SIL1: variants seen among roughly 807,000 people sequenced by gnomAD.
The protein encoded by SIL1 is SIL1 nucleotide exchange factor, also known as nucleotide exchange factor SIL1.
In SIL1, 40 loss-of-function variants were observed where a neutral mutation model predicts 49.1. The observed-to-expected ratio is 0.81, with a 90% CI of 0.63 to 1.06. The LOEUF (loss-of-function observed/expected upper bound fraction) is 1.06. Ranked by LOEUF, SIL1 falls within the 50% of genes least tolerant of loss-of-function variation. SIL1 has a pLI of 0.00. For missense variants in SIL1, 500 were observed against 572.6 expected (o/e 0.87, Z 1.29); for synonymous variants, 253 against 250.8 (o/e 1.01, Z -0.08).
At chr5:138,956,768 C>T (rs1270943652) in intron 7 of SIL1, among the ~76,000 whole-genome samples, 1 of 151,242 alleles carries the variant, frequency 6.6e-6, no homozygotes, top group African/African-American at 2.4e-5. Flanking sequence ...ATACAATTAC[C>T]GAATTGAATA....
In SIL1 at chr5:139,121,134, T is replaced by C; in HGVS notation, c.145A>G (p.Lys49Glu). ...TTGGTTTCTTTTCTCTCTGTTTCTT[T>C]GGTGCTGCTCTTCTCTGGGTTGGTC... ...ALTNPEKSST[K>E]ETERKETKAE... is the part of the protein sequence containing the mutation. The change falls in exon 3 of 10, where the codon AAA becomes GAA. Residue 49 changes from lysine to glutamate, a missense_variant. Lys to Glu is a moderately conservative substitution (Grantham distance 56, BLOSUM62 1). Coordinates refer to ENST00000394817, the MANE Select transcript of SIL1 (RefSeq NM_022464.5). 1 of 1,614,230 alleles carries C rather than the reference T, an allele frequency of 6.2e-7. No individual in the cohort carries two copies. The highest frequency in any genetic ancestry group is 8.5e-7 in the Non-Finnish European group (1 of 1,180,030).
intron 1 of SIL1, among the ~76,000 whole-genome samples, chr5:139,170,399 C>T (rs537078453): frequency 3.1e-4 from 46 of 150,586 alleles, no homozygotes; most frequent in African/African-American, 8.5e-4. Context: ...TCTGCCCGGC[C>T]GCCATCCCAT....
intron 1 of SIL1, 61 bp from the exon 2 acceptor site, chr5:139,127,914 A>G (rs1157331275): frequency 1.9e-6 from 2 of 1,046,658 alleles, no homozygotes; most frequent in Admixed American, 4.0e-5. Context: ...GTTCCCCCGC[A>G]CTGTGATTCC....
intron 1 of SIL1, among the ~76,000 whole-genome samples, chr5:139,147,645 C>A (rs1751219360): frequency 6.6e-6 from 1 of 152,170 alleles, no homozygotes; most frequent in Non-Finnish European, 1.5e-5. Flanking sequence ...TCCCCTCCTC[C>A]AAGTCCATGT....
intron 3 of SIL1, among the ~76,000 whole-genome samples, chr5:139,092,159 T>C (rs1198837598): frequency 2.0e-5 from 3 of 152,186 alleles, no homozygotes; most frequent in Non-Finnish European, 4.4e-5. Flanking sequence ...ATAAAAAGCA[T>C]ATGATCACTA....
At position 139,194,338 on chromosome 5, in the gene SIL1, G is replaced by A. The variant is rs1176353996; in HGVS notation, c.-11+3931C>T. On this transcript the variant is annotated intron_variant, in intron 1 of 9. Coordinates refer to ENST00000394817, the MANE Select transcript of SIL1 (RefSeq NM_022464.5). ...TGTCCCAAAGATGAACTCAGTTATTGCTTATGCTAGGAATCAGGGGTTACC... is the reference window on the plus strand; with the variant it reads ...TGTCCCAAAGATGAACTCAGTTATTACTTATGCTAGGAATCAGGGGTTACC... 2.6e-5 allele frequency among the ~76,000 whole-genome samples: 4 copies of A among 152,282 alleles called. No homozygotes were observed. In the East Asian group the frequency reaches 7.7e-4, roughly 29 times the overall value.
chr5:139,125,975 C>A (rs1750744764), intron 2 of SIL1, among the ~76,000 whole-genome samples: 1 of 152,164 alleles, frequency 6.6e-6, no homozygotes, highest in Non-Finnish European at 1.5e-5. Flanking sequence ...CATTAACCTG[C>A]CCCAATGCCT....
intron 3 of SIL1, among the ~76,000 whole-genome samples, chr5:139,114,803 AG>A (rs1770949286): frequency 6.6e-6 from 1 of 152,220 alleles, no homozygotes; most frequent in African/African-American, 2.4e-5. Context: ...CCACCCCAAC[AG>A]AATCAGGCTG....
chr5:139,104,822 T>C (rs928504335), intron 3 of SIL1, among the ~76,000 whole-genome samples: 15 of 152,186 alleles, frequency 9.9e-5, no homozygotes, highest in African/African-American at 3.6e-4. Flanking sequence ...AGTAGGCACA[T>C]GGCAAGTACC....
chr5:139,181,962 A>G (rs1291861980), intron 1 of SIL1, among the ~76,000 whole-genome samples: 1 of 152,222 alleles, frequency 6.6e-6, no homozygotes, highest in Non-Finnish European at 1.5e-5. Flanking sequence ...TGTTTTCTAC[A>G]CTGTAATACA....
chr5:138,973,844 C>A (rs1767338220), intron 7 of SIL1, among the ~76,000 whole-genome samples: 1 of 152,110 alleles, frequency 6.6e-6, no homozygotes, highest in East Asian at 1.9e-4. Context: ...CTCAGCCTCC[C>A]AAAGTTCTAG....
intron 3 of SIL1, among the ~76,000 whole-genome samples, chr5:139,055,638 CTCTCCCTCTCCCCA>C (rs1170668872): frequency 8.0e-6 from 1 of 125,578 alleles, no homozygotes; most frequent in Non-Finnish European, 1.7e-5. Flanking sequence ...CCCTCTCCCC[CTCTCCCTCTCCCCA>C]CGGTCTCCCT....
chr5:139,088,335 C>A (rs918411042), intron 3 of SIL1, among the ~76,000 whole-genome samples: 9 of 152,184 alleles, frequency 5.9e-5, no homozygotes, highest in Admixed American at 5.9e-4. Context: ...GACTGGCTGA[C>A]AATAAAGCCT....
At chr5:139,028,641 C>G (rs1385147647) in intron 5 of SIL1, among the ~76,000 whole-genome samples, 1 of 152,150 alleles carries the variant, frequency 6.6e-6, no homozygotes, top group Non-Finnish European at 1.5e-5. Context: ...TCAATGTTAA[C>G]ATTTTACATA....
chr5:139,021,317 C>G (rs771249573), intron 6 of SIL1, 25 bp from the exon 7 acceptor site: 1 of 1,613,744 alleles, frequency 6.2e-7, no homozygotes, highest in South Asian at 1.1e-5. Context: ...CTGCTTAGTA[C>G]AGCATAGCCA....
At chr5:139,062,446 T>C (rs1484019554) in intron 3 of SIL1, among the ~76,000 whole-genome samples, 1 of 151,852 alleles carries the variant, frequency 6.6e-6, no homozygotes, top group East Asian at 1.9e-4. Context: ...AGGGTAGAAA[T>C]CCCCAAGCTG....
intron 3 of SIL1, among the ~76,000 whole-genome samples, chr5:139,056,953 T>G (rs1769461087): frequency 1.3e-5 from 2 of 152,084 alleles, no homozygotes; most frequent in Admixed American, 1.3e-4. Flanking sequence ...ATGGGAGACT[T>G]TTCATTTTGT....
intron 3 of SIL1, among the ~76,000 whole-genome samples, chr5:139,087,712 TGA>T (rs937014525): frequency 1.3e-5 from 2 of 152,086 alleles, no homozygotes; most frequent in Non-Finnish European, 2.9e-5. Context: ...TGACAGGTTA[TGA>T]GAGGAAAATG....
rs977035643 is a variant in SIL1 at position 139,195,624 on chromosome 5, T to C, written c.-11+2645A>G. 3.3e-5 allele frequency among the ~76,000 whole-genome samples: 5 copies of C among 152,154 alleles called. 1 individual carries two copies. The highest frequency in any genetic ancestry group is 7.3e-5 in the Non-Finnish European group (5 of 68,042). ...GGATGGTCTCGATCTCCTGACCTCG[T>C]GATCCGCCCACCTTGGCCTCCCAAA... On this transcript the variant is annotated intron_variant, in intron 1 of 9. Transcript: ENST00000394817.
Sources: allele counts gnomAD v4.1 joint callset (sites outside exome capture counted in the v4.1 genomes callset), GRCh38; gene constraint gnomAD v4.1.1; transcripts MANE v1.5; gene names NCBI Gene and HGNC (gene_info 2026-07-23, HGNC 2026-07-21).